The following SEMA5A variants were observed in gnomAD, a reference collection of about 807,000 sequenced individuals.
The protein encoded by SEMA5A is semaphorin 5A.
Under a neutral mutation model 135.5 loss-of-function variants are expected in SEMA5A, and 55 were observed. The observed-to-expected ratio is 0.41, with a 90% CI of 0.33 to 0.51. The LOEUF (loss-of-function observed/expected upper bound fraction) is 0.51. Ranked by LOEUF, SEMA5A falls within the 20% of genes least tolerant of loss-of-function variation. SEMA5A has a pLI of 0.37. For missense variants in SEMA5A, 1,290 were observed against 1,419.9 expected, an observed-to-expected ratio of 0.91 and a Z score of 1.47; for synonymous variants, 580 against 546.5, an observed-to-expected ratio of 1.06 and a Z score of -0.85.
chr5:9,361,319 A>AAAC (rs200455742), intron 3 of SEMA5A, among the ~76,000 whole-genome samples: 75 of 151,150 alleles, frequency 5.0e-4, no homozygotes, highest in Non-Finnish European at 8.0e-4. Flanking sequence ...AAAAAATTGC[A>AAAC]AACAACAACA....
chr5:9,147,790 T>C (rs1349038556), intron 12 of SEMA5A, among the ~76,000 whole-genome samples: 1 of 151,702 alleles, frequency 6.6e-6, no homozygotes, highest in Non-Finnish European at 1.5e-5. Flanking sequence ...CTGTATGATA[T>C]TGCCACATTT....
At chr5:9,353,343 G>A (rs1754286403) in intron 3 of SEMA5A, among the ~76,000 whole-genome samples, 1 of 142,344 alleles carries the variant, frequency 7.0e-6, no homozygotes, top group Non-Finnish European at 1.5e-5. Flanking sequence ...GAAATGAAAG[G>A]AAAGGAAAGG....
intron 8 of SEMA5A, among the ~76,000 whole-genome samples, chr5:9,218,160 C>T (rs1378171268): frequency 6.6e-6 from 1 of 152,060 alleles, no homozygotes; most frequent in Non-Finnish European, 1.5e-5. Context: ...ATGGGTTTAC[C>T]TTTGTAACAA....
intron 6 of SEMA5A, among the ~76,000 whole-genome samples, chr5:9,229,221 AAGT>A (rs1747484166): frequency 6.6e-6 from 1 of 152,238 alleles, no homozygotes; most frequent in Admixed American, 6.5e-5. Context: ...ACAAAGACCT[AAGT>A]AGACTTCAGA....
intron 3 of SEMA5A, among the ~76,000 whole-genome samples, chr5:9,370,539 G>T (rs964404301): frequency 6.6e-6 from 1 of 152,152 alleles, no homozygotes; most frequent in African/African-American, 2.4e-5. Flanking sequence ...AATTGGGAGA[G>T]CAAAAGAGAA....
At chr5:9,401,390 T>C (rs1756655808) in intron 2 of SEMA5A, among the ~76,000 whole-genome samples, 1 of 152,166 alleles carries the variant, frequency 6.6e-6, no homozygotes, top group African/African-American at 2.4e-5. Context: ...TGTCCACCCT[T>C]AATTATTAAA....
chr5:9,168,679 T>C (rs1743747376), intron 11 of SEMA5A, among the ~76,000 whole-genome samples: 1 of 152,192 alleles, frequency 6.6e-6, no homozygotes, highest in Non-Finnish European at 1.5e-5. Flanking sequence ...CTGCTTCCAA[T>C]TTAATGCATG....
intron 21 of SEMA5A, among the ~76,000 whole-genome samples, chr5:9,048,144 G>C (rs770033982): frequency 2.6e-5 from 4 of 152,164 alleles, no homozygotes; most frequent in Non-Finnish European, 4.4e-5. Context: ...GACAGTCCTG[G>C]ACCCTGGGTG....
At chr5:9,057,626 C>A (rs1561110072) in intron 18 of SEMA5A, among the ~76,000 whole-genome samples, 1 of 152,310 alleles carries the variant, frequency 6.6e-6, no homozygotes, top group East Asian at 1.9e-4. Context: ...AATCCAGTTG[C>A]TGAAACATTC....
chr5:9,483,798 A>T (rs776830211), intron 1 of SEMA5A, among the ~76,000 whole-genome samples: 4 of 152,246 alleles, frequency 2.6e-5, no homozygotes, highest in Admixed American at 6.5e-5. Context: ...AAATGAGTGC[A>T]GTTTTAAAAA....
rs1004774260 is a variant in SEMA5A at position 9,509,273 on chromosome 5, T to G, written c.-175+36311A>C. Among the ~76,000 whole-genome samples, 45 of 151,834 alleles carry G rather than the reference T, an allele frequency of 3.0e-4. 2 individuals carry two copies. The highest frequency in any genetic ancestry group is 1.1e-3 in the African/African-American group (44 of 41,410). On this transcript the variant is annotated intron_variant, in intron 1 of 22. Coordinates refer to ENST00000382496, the MANE Select transcript of SEMA5A (RefSeq NM_003966.3). The stretch of plus-strand genomic sequence containing the variant: ...ATCCAACATAAAATTATTATTATTA[T>G]TATTATTATTATTATTTTGAGACAG...
At chr5:9,158,865 A>C (rs1283750056) in intron 11 of SEMA5A, among the ~76,000 whole-genome samples, 2 of 152,190 alleles carry the variant, frequency 1.3e-5, no homozygotes, top group Non-Finnish European at 2.9e-5. Flanking sequence ...TAAATATTAT[A>C]CTTCACTACA....
intron 2 of SEMA5A, among the ~76,000 whole-genome samples, chr5:9,428,380 C>A (rs1278659598): frequency 6.6e-6 from 1 of 152,226 alleles, no homozygotes; most frequent in Non-Finnish European, 1.5e-5. Flanking sequence ...GAAGATGATA[C>A]TATGAAATTC....
At chr5:9,050,757 GC>G (rs1736526778) in intron 20 of SEMA5A, among the ~76,000 whole-genome samples, 1 of 152,220 alleles carries the variant, frequency 6.6e-6, no homozygotes, top group Non-Finnish European at 1.5e-5. Context: ...AAGGTGTCTT[GC>G]CGGGGGGATC....
Position 9,429,868 on chromosome 5 carries a change from G to T in SEMA5A, c.-78+7888C>A, listed in dbSNP as rs141784854. Among the ~76,000 whole-genome samples, 575 of 152,338 alleles carry T rather than the reference G, an allele frequency of 3.8e-3. 4 individuals carry two copies. The highest frequency in any genetic ancestry group is 0.013 in the African/African-American group (551 of 41,586). ...GACACGTGGTGCCTGGCGCACCAAG[G>T]GAGGAAGCTGGCTTTCCATCAGAAT... On this transcript the variant is annotated intron_variant, in intron 2 of 22. Transcript: ENST00000382496.
At chr5:9,116,341 A>T (rs1505069) in intron 15 of SEMA5A, among the ~76,000 whole-genome samples, 13,778 of 152,232 alleles carry the variant, frequency 0.091, 1,149 homozygotes, top group East Asian at 0.31. Context: ...ATATTTGCAG[A>T]CGTCCATTTC....
intron 1 of SEMA5A, among the ~76,000 whole-genome samples, chr5:9,537,785 T>C (rs1276740172): frequency 6.6e-6 from 1 of 152,118 alleles, no homozygotes; most frequent in Non-Finnish European, 1.5e-5. Flanking sequence ...CTGAAGAAAT[T>C]AGGCACTATG....
intron 3 of SEMA5A, among the ~76,000 whole-genome samples, chr5:9,376,374 G>A (rs1279576459): frequency 6.6e-6 from 1 of 152,046 alleles, no homozygotes; most frequent in Non-Finnish European, 1.5e-5. Flanking sequence ...CCTCTCCCTG[G>A]AAACCTCTCC....
intron 1 of SEMA5A, among the ~76,000 whole-genome samples, chr5:9,453,575 A>C (rs990370870): frequency 6.6e-6 from 1 of 152,230 alleles, no homozygotes; most frequent in African/African-American, 2.4e-5. Context: ...ATTGACCATG[A>C]GTTCAATGTT....
Sources: allele counts gnomAD v4.1 joint callset (sites outside exome capture counted in the v4.1 genomes callset), GRCh38; gene constraint gnomAD v4.1.1; transcripts MANE v1.5; gene names NCBI Gene and HGNC (gene_info 2026-07-23, HGNC 2026-07-21).